The following PLXNB2 variants were observed in gnomAD, a reference collection of about 807,000 sequenced individuals.
PLXNB2 encodes plexin-B2.
A neutral mutation model predicts 202.6 loss-of-function variants in PLXNB2; 85 were observed. The ratio of observed to expected loss-of-function variants is 0.42; its 90% CI spans 0.35 to 0.50. The LOEUF is 0.50. Among genes scored for constraint, PLXNB2 ranks in the 20% least tolerant of loss-of-function variants. The pLI, the probability that PLXNB2 is intolerant of heterozygous loss-of-function variation, is 0.02. For missense variants in PLXNB2, 2,063 were observed against 2,586.2 expected, an observed-to-expected ratio of 0.80 and a Z score of 4.39; for synonymous variants, 1,239 against 1,137.6, an observed-to-expected ratio of 1.09 and a Z score of -1.79.
At position 50,286,300 on chromosome 22, in the gene PLXNB2, G is replaced by A. The variant is rs2066451546; in HGVS notation, c.1763-13C>T. ...ACGGCCACGTGGTCTGCAGACAGCA[G>A]AGGGGGAGGTGTCAAGGTGGCGGCC... On this transcript the variant is annotated splice_polypyrimidine_tract_variant and intron_variant, in intron 8 of 36. Transcript: ENST00000359337. The A allele has an allele frequency of 6.3e-7, 1 of 1,596,384 alleles. No homozygotes were observed. Among genetic ancestry groups the A allele is most frequent in the African/African-American group, 1.3e-5 (1 of 74,600 alleles).
chr22:50,283,789 G>A, intron 14 of PLXNB2, 39 bp from the exon 15 acceptor site: 2 of 1,612,774 alleles, frequency 1.2e-6, no homozygotes, highest in Non-Finnish European at 1.7e-6. Context: ...AGGGGCTCAT[G>A]CCAGGGACGA....
Position 50,284,457 on chromosome 22 carries a change from G to T in PLXNB2, c.2181+116C>A. The T allele has an allele frequency of 1.2e-6, 1 of 832,554 alleles. No individual in the cohort carries two copies. Among genetic ancestry groups the T allele is most frequent in the African/African-American group, 1.7e-5 (1 of 59,608 alleles). 51.6% of individuals were successfully genotyped at this position (832,554 alleles called of 1,614,324 possible). ...CAGGGCATGGCGAGCCCCTGGCTGG[G>T]CTCTGGTCCCTGGGGTCTCCCTGCT... On this transcript the variant is annotated intron_variant, in intron 12 of 36. Coordinates refer to ENST00000359337, the MANE Select transcript of PLXNB2 (RefSeq NM_012401.4). The surrounding 1 kb of genome is among the most constrained non-coding windows in gnomAD (Gnocchi z 8.0).
At chr22:50,298,011 C>T (rs1002476701) in intron 1 of PLXNB2, among the ~76,000 whole-genome samples, 1 of 152,202 alleles carries the variant, frequency 6.6e-6, no homozygotes, top group African/African-American at 2.4e-5. Flanking sequence ...CTAACCCAGC[C>T]CCTGAGGGAC....
chr22:50,303,041 C>T, intron 1 of PLXNB2, among the ~76,000 whole-genome samples: 1 of 151,698 alleles, frequency 6.6e-6, no homozygotes, highest in Non-Finnish European at 1.5e-5. Context: ...CCCCCGCCAT[C>T]CCCCCAAGCT....
At chr22:50,280,388 C>T in intron 25 of PLXNB2, 101 bp downstream of exon 25, 3 of 1,166,120 alleles carry the variant, frequency 2.6e-6, no homozygotes, top group Non-Finnish European at 3.5e-6. Flanking sequence ...CACCTGCCGG[C>T]TCCTGGGGGC....
chr22:50,279,535 C>G, intron 27 of PLXNB2, 95 bp downstream of exon 27: 2 of 1,248,426 alleles, frequency 1.6e-6, no homozygotes, highest in Non-Finnish European at 2.3e-6. Context: ...GGTGGACGGC[C>G]TCTGGCCTGT....
intron 1 of PLXNB2, among the ~76,000 whole-genome samples, chr22:50,307,111 C>G (rs1280578261): frequency 6.6e-6 from 1 of 152,124 alleles, no homozygotes; most frequent in Non-Finnish European, 1.5e-5. Context: ...CTGGTCCCCC[C>G]GCGCCAAGCA....
At position 50,281,413 on chromosome 22, in the gene PLXNB2, C is replaced by T. The variant is rs137895110; in HGVS notation, c.3609G>A (p.Pro1203=). 2.5e-5 allele frequency: 40 copies of T among 1,612,436 alleles called. 1 individual carries two copies. The highest frequency in any genetic ancestry group is 5.0e-5 in the Admixed American group (3 of 59,978). ...VSDVPLSLIL[P]LVIVPMVVVI... is the part of the protein sequence containing the mutation. ...CGACCACCATGGGCACGATGACCAG[C>T]GGCAAGATGAGGCTGAGCGGCACGT... Residue 1203 remains proline (P), a synonymous_variant, in exon 22 of 37, where the codon CCG becomes CCA. Coordinates refer to ENST00000359337, the MANE Select transcript of PLXNB2 (RefSeq NM_012401.4).
Position 50,285,204 on chromosome 22 carries a change from C to T in PLXNB2, c.2089-539G>A, listed in dbSNP as rs1342179162. Reference sequence around the variant, plus strand: ...GTACCTTAGCCTGCCTGTCACCAACCGGCACCCCCTCCCTCCGCACCTGAG... The same window carrying T: ...GTACCTTAGCCTGCCTGTCACCAACTGGCACCCCCTCCCTCCGCACCTGAG... On this transcript the variant is annotated intron_variant, in intron 11 of 36. Transcript: ENST00000359337. Among the ~76,000 whole-genome samples the T allele has an allele frequency of 2.0e-5, 3 of 148,638 alleles. No individual in the cohort carries two copies. In the South Asian group the frequency reaches 6.4e-4, roughly 32 times the overall value.
intron 1 of PLXNB2, among the ~76,000 whole-genome samples, chr22:50,300,816 C>G (rs1365434997): frequency 6.6e-6 from 1 of 152,160 alleles, no homozygotes; most frequent in Non-Finnish European, 1.5e-5. Context: ...TGGGGGTGCC[C>G]CATGAAGCCC....
intron 30 of PLXNB2, 68 bp downstream of exon 30, chr22:50,278,367 C>A: frequency 6.4e-7 from 1 of 1,563,134 alleles, no homozygotes; most frequent in Non-Finnish European, 8.7e-7. Flanking sequence ...GTGCATGTGT[C>A]CAGGGCAGAC....
At chr22:50,293,820 C>A (rs945469603) in intron 2 of PLXNB2, among the ~76,000 whole-genome samples, 1 of 152,224 alleles carries the variant, frequency 6.6e-6, no homozygotes, top group Admixed American at 6.5e-5. Flanking sequence ...TGTAGGGGCC[C>A]CGGTACAGGA....
At position 50,280,453 on chromosome 22, in the gene PLXNB2, G is replaced by A. The variant is rs778368099; in HGVS notation, c.4175+36C>T. On this transcript the variant is annotated intron_variant, in intron 25 of 36. Coordinates refer to ENST00000359337, the MANE Select transcript of PLXNB2 (RefSeq NM_012401.4). ...GCCCCAGAGCCCCTGCGGCCGCCCCGCCCGTGGCCCCGCTCGTGGCCCCGC... is the reference window on the plus strand; with the variant it reads ...GCCCCAGAGCCCCTGCGGCCGCCCCACCCGTGGCCCCGCTCGTGGCCCCGC... 112 of 1,562,532 alleles carry A rather than the reference G, an allele frequency of 7.2e-5. 1 individual carries two copies. Among genetic ancestry groups the A allele is most frequent in the Non-Finnish European group, 9.2e-5 (106 of 1,155,226 alleles).
chr22:50,285,027 G>C (rs2066319621), intron 11 of PLXNB2: 2 of 420,960 alleles, frequency 4.8e-6, no homozygotes, highest in Admixed American at 6.0e-5. Flanking sequence ...CTCTCTTCAG[G>C]CCCATCCAAA....
Position 50,283,059 on chromosome 22 carries a change from G to C in PLXNB2, c.2807C>G (p.Pro936Arg). The change falls in exon 17 of 37, where the codon CCG (proline) becomes CGG (arginine). Residue 936 changes from proline (P) to arginine (R), a missense_variant. Around this residue, in one of 2 missense-constraint regions of PLXNB2, gnomAD observed 1,303 missense variants for 1,476.8 expected, o/e 0.88. Transcript: ENST00000359337. The part of the protein sequence containing the change: ...EDVRVTLNGV[P>R]CKVTKFGAQL... ...TGGCGGTGACACCCACACTTTACAC[G>C]GGACGCCGTTGAGGGTCACCCGCAC... is the stretch of plus-strand genomic sequence containing the variant. 1.2e-6 allele frequency: 2 copies of C among 1,610,138 alleles called. No individual in the cohort carries two copies. Among genetic ancestry groups the C allele is most frequent in the African/African-American group, 2.7e-5 (2 of 74,986 alleles).
At chr22:50,280,465 G>A (rs199888094) in intron 25 of PLXNB2, 24 bp downstream of exon 25, 21 of 1,577,886 alleles carry the variant, frequency 1.3e-5, no homozygotes, top group Admixed American at 3.5e-5. Context: ...CCGTGGCCCC[G>A]CTCGTGGCCC....
rs375120113 is a variant in PLXNB2 at position 50,287,810 on chromosome 22, C to A, written c.1482-17G>T. The A allele has an allele frequency of 1.1e-5, 18 of 1,595,220 alleles. No individual in the cohort carries two copies. Among genetic ancestry groups the A allele is most frequent in the South Asian group, 2.2e-5 (2 of 90,160 alleles). Reference sequence around the variant, plus strand: ...CGGGTGCATCTGCAGGCGCAGGGGGCGGCCTCAGCCCAGGGTGGAGTCTTG... The same window carrying A: ...CGGGTGCATCTGCAGGCGCAGGGGGAGGCCTCAGCCCAGGGTGGAGTCTTG... On this transcript the variant is annotated splice_polypyrimidine_tract_variant and intron_variant, in intron 6 of 36. Transcript: ENST00000359337.
rs755618323 is a variant in PLXNB2 at position 50,283,612 on chromosome 22, C to T, written c.2560G>A (p.Val854Met). 3 of 1,612,636 alleles carry T rather than the reference C, an allele frequency of 1.9e-6. No homozygotes were observed. The highest frequency in any genetic ancestry group is 2.5e-6 in the Non-Finnish European group (3 of 1,179,884). The change falls in exon 15 of 37, where the codon GTG becomes ATG. Residue 854 changes from valine (V) to methionine (M), a missense_variant. Val to Met is a conservative substitution (Grantham distance 21). Coordinates refer to ENST00000359337, the MANE Select transcript of PLXNB2 (RefSeq NM_012401.4). ...NCSFQPERYS[V>M]STRIVCVIEA... Reference sequence around the variant, plus strand: ...GGGCCGTCCACTCACCGGGTGGACACGGAGTAACGTTCCGGCTGAAAGGAG... The same window carrying T: ...GGGCCGTCCACTCACCGGGTGGACATGGAGTAACGTTCCGGCTGAAAGGAG...
At position 50,282,837 on chromosome 22, in the gene PLXNB2, G is replaced by A. The variant is rs370055566; in HGVS notation, c.2861C>T (p.Ala954Val). 19 of 1,612,762 alleles carry A rather than the reference G, an allele frequency of 1.2e-5. No homozygotes were observed. The highest frequency in any genetic ancestry group is 6.7e-5 in the Admixed American group (4 of 60,002). Residue 954 changes from alanine to valine, a missense_variant, in exon 18 of 37, where the codon GCG (alanine) becomes GTG (valine). Ala to Val is a moderately conservative substitution (Grantham distance 64). Transcript: ENST00000359337. Reference sequence around the variant, plus strand: ...CTCCAGAAGCATCTGGCCCCGTGTCGCCTGGGGGCCAGTGACACACTGGAG... The same window carrying A: ...CTCCAGAAGCATCTGGCCCCGTGTCACCTGGGGGCCAGTGACACACTGGAG... ...AQLQCVTGPQ[A>V]TRGQMLLEVS...
Sources: allele counts gnomAD v4.1 joint callset (sites outside exome capture counted in the v4.1 genomes callset), GRCh38; gene constraint gnomAD v4.1.1; regional missense constraint gnomAD v4.1.1; non-coding constraint Gnocchi (gnomAD v3.1); transcripts MANE v1.5; gene names NCBI Gene and HGNC (gene_info 2026-07-23, HGNC 2026-07-21).